Variants in CSGALNACT1 observed in about 807,000 individuals in gnomAD.
CSGALNACT1 encodes the protein chondroitin sulfate N-acetylgalactosaminyltransferase 1.
CSGALNACT1 carries 52 observed loss-of-function variants against 51.0 expected under a neutral mutation model. The observed-to-expected ratio is 1.02, with a 90% CI of 0.82 to 1.29. CSGALNACT1 has a LOEUF of 1.29. Ranked by LOEUF, CSGALNACT1 falls within the 50% of genes most tolerant of loss-of-function variation. The pLI, the probability that CSGALNACT1 is intolerant of heterozygous loss-of-function variation, is 0.00. For synonymous variants in CSGALNACT1, 341 were observed against 254.4 expected (o/e 1.34, Z -3.24); for missense variants, 935 against 679.2 (o/e 1.38, Z -4.19).
chr8:19,505,617 C>T, exon 4 of CSGALNACT1: 2 of 1,614,152 alleles, frequency 1.2e-6, no homozygotes, highest in South Asian at 2.2e-5. Context: ...CTTCAGGCTG[C>T]TCACGTAGTT....
rs991839693 is a variant in CSGALNACT1 at position 19,660,182 on chromosome 8, C to A, written c.-544+22291G>T. 2.0e-5 allele frequency among the ~76,000 whole-genome samples: 3 copies of A among 152,164 alleles called. No homozygotes were observed. In the East Asian group the frequency reaches 5.8e-4, roughly 29 times the overall value. ...ATTCCATACCCACATCGATACAGGG[C>A]ATTCTATATTATTCCATATATCCTG... On this transcript the variant is annotated intron_variant, in intron 1 of 9. Coordinates refer to the CSGALNACT1 transcript ENST00000332246.
intron 6 of CSGALNACT1, among the ~76,000 whole-genome samples, chr8:19,434,755 A>G (rs1363032009): frequency 1.3e-5 from 2 of 152,188 alleles, no homozygotes; most frequent in East Asian, 1.9e-4. Context: ...AGGGTCCGAG[A>G]CTAATTATCT....
At chr8:19,579,756 AC>A (rs2045147307) in intron 3 of CSGALNACT1, among the ~76,000 whole-genome samples, 1 of 152,224 alleles carries the variant, frequency 6.6e-6, no homozygotes, top group Non-Finnish European at 1.5e-5. Flanking sequence ...GTATTTGCCT[AC>A]CCTCTTTTCC....
chr8:19,501,187 T>G (rs1374398154), intron 4 of CSGALNACT1, among the ~76,000 whole-genome samples: 1 of 138,258 alleles, frequency 7.2e-6, no homozygotes, highest in Admixed American at 8.1e-5. Flanking sequence ...GAGACAGAGG[T>G]TGAAGTGAGC....
intron 4 of CSGALNACT1, among the ~76,000 whole-genome samples, chr8:19,504,690 T>A (rs1372609151): frequency 1.3e-5 from 2 of 152,220 alleles, no homozygotes; most frequent in Non-Finnish European, 2.9e-5. Flanking sequence ...AGGGTTCAAA[T>A]CCTGGTTCTG....
At chr8:19,717,782 T>C (rs1164643212) in intron 1 of CSGALNACT1, among the ~76,000 whole-genome samples, 2 of 152,196 alleles carry the variant, frequency 1.3e-5, no homozygotes, top group Admixed American at 1.3e-4. Context: ...AGACTATTTT[T>C]AGTTTCTTGC....
In CSGALNACT1 at chr8:19,404,607, A is replaced by AAT. The variant is rs3840719; in HGVS notation, c.*1171_*1172dup. On this transcript the variant is annotated 3_prime_UTR_variant, in exon 10 of 10. Transcript: ENST00000454498. ...TCTGGCAGATGGATTGATCTTTCAC[A>AAT]ATATATATATATATATTTTTTTCTC... 7.2e-3 allele frequency: 1,310 copies of AAT among 180,724 alleles called. 3 individuals are homozygous for AAT. The highest frequency in any genetic ancestry group is 0.042 in the African/African-American group (545 of 13,084). 11.2% of individuals were successfully genotyped at this position (180,724 alleles called of 1,614,324 possible).
intron 6 of CSGALNACT1, among the ~76,000 whole-genome samples, chr8:19,426,734 A>G (rs1366765171): frequency 1.3e-5 from 2 of 152,246 alleles, no homozygotes; most frequent in East Asian, 3.8e-4. Flanking sequence ...TATAGAGGTT[A>G]TAATGACCTG....
intron 1 of CSGALNACT1, among the ~76,000 whole-genome samples, chr8:19,616,726 T>C (rs1428026784): frequency 6.6e-6 from 1 of 152,142 alleles, no homozygotes; most frequent in Non-Finnish European, 1.5e-5. Flanking sequence ...GTGATGTATC[T>C]GCTCCTGCCT....
At chr8:19,544,233 G>A (rs1025667790) in intron 3 of CSGALNACT1, among the ~76,000 whole-genome samples, 2 of 152,104 alleles carry the variant, frequency 1.3e-5, no homozygotes, top group Non-Finnish European at 2.9e-5. Flanking sequence ...AAACTGAGCA[G>A]ACAGCTGGAA....
At chr8:19,626,265 T>C (rs1024361026) in intron 1 of CSGALNACT1, among the ~76,000 whole-genome samples, 7 of 152,148 alleles carry the variant, frequency 4.6e-5, no homozygotes, top group African/African-American at 1.7e-4. Context: ...GAAATAGCTT[T>C]ACGTAAGAAT....
chr8:19,644,870 G>A (rs556725016), intron 1 of CSGALNACT1, among the ~76,000 whole-genome samples: 1 of 152,186 alleles, frequency 6.6e-6, no homozygotes, highest in Admixed American at 6.5e-5. Context: ...AATATTTTAT[G>A]AAACTGAGGC....
chr8:19,663,030 G>A (rs2058893481), intron 1 of CSGALNACT1, among the ~76,000 whole-genome samples: 1 of 152,160 alleles, frequency 6.6e-6, no homozygotes, highest in Non-Finnish European at 1.5e-5. Context: ...TGCCTGGAAG[G>A]GGTTGCAAAG....
chr8:19,508,042 T>C (rs956202306), intron 3 of CSGALNACT1, among the ~76,000 whole-genome samples: 15 of 152,244 alleles, frequency 9.9e-5, no homozygotes, highest in African/African-American at 3.6e-4. Flanking sequence ...ATAACTAAAT[T>C]ATTCTTTATA....
chr8:19,432,166 CTCTT>C (rs1176491305), intron 6 of CSGALNACT1, among the ~76,000 whole-genome samples: 2 of 152,098 alleles, frequency 1.3e-5, no homozygotes, highest in Admixed American at 6.5e-5. Flanking sequence ...GTGATGAAGT[CTCTT>C]TATTTGTTTA....
At chr8:19,725,433 T>C (rs1358313362) in intron 1 of CSGALNACT1, among the ~76,000 whole-genome samples, 2 of 151,068 alleles carry the variant, frequency 1.3e-5, no homozygotes, top group Non-Finnish European at 3.0e-5. Flanking sequence ...TTCTTTTTTT[T>C]TTTTTTTTGA....
rs536724585 is a variant in CSGALNACT1 at position 19,736,524 on chromosome 8, A to T, written c.-297+21326T>A. Among the ~76,000 whole-genome samples the T allele has an allele frequency of 2.8e-4, 43 of 152,224 alleles. No homozygotes were observed. In the East Asian group the frequency reaches 2.9e-3, roughly 10 times the overall value. On this transcript the variant is annotated intron_variant, in intron 1 of 1. Transcript: ENST00000517494. ...TCATTAGGTCCCAAAACCAAAAAAA[A>T]AAAAAATAAAACCAGGAATCATCCA...
chr8:19,427,190 G>A (rs979766139), intron 6 of CSGALNACT1, among the ~76,000 whole-genome samples: 3 of 152,024 alleles, frequency 2.0e-5, no homozygotes, highest in Non-Finnish European at 4.4e-5. Context: ...CCTTTCCATC[G>A]GTTCTAAAAG....
At chr8:19,531,738 G>C (rs12114968) in intron 3 of CSGALNACT1, 1 of 152,028 alleles carries the variant, frequency 6.6e-6, no homozygotes, top group Non-Finnish European at 1.5e-5. Context: ...TTTGTTGTTT[G>C]CAAGCAAATT....
Sources: allele counts gnomAD v4.1 joint callset (sites outside exome capture counted in the v4.1 genomes callset), GRCh38; gene constraint gnomAD v4.1.1; transcripts MANE v1.5; gene names NCBI Gene and HGNC (gene_info 2026-07-23, HGNC 2026-07-21).